KHDRBS3: variants seen among roughly 807,000 people sequenced by gnomAD.
KHDRBS3 encodes KH domain-containing, RNA-binding, signal transduction-associated protein 3.
Under a neutral mutation model 45.6 loss-of-function variants are expected in KHDRBS3, and 23 were observed. The ratio of observed to expected loss-of-function variants is 0.50; its 90% CI spans 0.36 to 0.72. The LOEUF (loss-of-function observed/expected upper bound fraction) is 0.72. Ranked by LOEUF, KHDRBS3 falls within the 30% of genes least tolerant of loss-of-function variation. The probability of loss-of-function intolerance (pLI) is 0.00; values close to 1 mark genes in which losing one functional copy is unlikely to be tolerated. For missense variants in KHDRBS3, 352 were observed against 424.8 expected (o/e 0.83, Z 1.51); for synonymous variants, 162 against 156.5 (o/e 1.04, Z -0.26).
intron 6 of KHDRBS3, among the ~76,000 whole-genome samples, chr8:135,590,242 G>T (rs959293333): frequency 1.3e-5 from 2 of 152,132 alleles, no homozygotes; most frequent in African/African-American, 4.8e-5. Flanking sequence ...ACATAGAAAA[G>T]ATACAGTAAA....
intron 5 of KHDRBS3, among the ~76,000 whole-genome samples, chr8:135,563,207 C>A (rs1827247910): frequency 6.6e-6 from 1 of 152,196 alleles, no homozygotes; most frequent in Admixed American, 6.5e-5. Flanking sequence ...ACTTGGCACT[C>A]TCCTCCCCTA....
At chr8:135,474,092 G>A (rs1822149986) in intron 1 of KHDRBS3, among the ~76,000 whole-genome samples, 1 of 152,074 alleles carries the variant, frequency 6.6e-6, no homozygotes, top group African/African-American at 2.4e-5. Context: ...CAATCTCATT[G>A]TTCATTTAAT....
intron 7 of KHDRBS3, among the ~76,000 whole-genome samples, chr8:135,612,400 G>C (rs145373025): frequency 8.6e-5 from 13 of 151,754 alleles, no homozygotes; most frequent in South Asian, 6.2e-4. Context: ...TATTACAGTC[G>C]TAGGCTTAGA....
downstream of KHDRBS3, among the ~76,000 whole-genome samples, chr8:135,651,515 G>T (rs1237799649): frequency 6.6e-6 from 1 of 152,076 alleles, no homozygotes; most frequent in Non-Finnish European, 1.5e-5. Context: ...TAGGACAAGG[G>T]ACATGTAATG....
chr8:135,555,661 A>G (rs1204187711), intron 4 of KHDRBS3, among the ~76,000 whole-genome samples: 1 of 152,194 alleles, frequency 6.6e-6, no homozygotes, highest in Non-Finnish European at 1.5e-5. Context: ...AGAAGAGACT[A>G]CTTAAAAAAG....
chr8:135,521,737 TTTTTC>T (rs1435138485), intron 2 of KHDRBS3, among the ~76,000 whole-genome samples: 11 of 152,206 alleles, frequency 7.2e-5, no homozygotes, highest in African/African-American at 2.4e-4. Flanking sequence ...TTAAATGCTA[TTTTTC>T]TTTTGTCTTC....
At chr8:135,647,915 G>C (rs1339175321), downstream of KHDRBS3, 8 of 152,118 alleles carry the variant, frequency 5.3e-5, no homozygotes, top group Non-Finnish European at 8.8e-5. Flanking sequence ...TTCTGAAAAA[G>C]ATGTGATCAG....
chr8:135,502,017 T>C (rs1554618315), intron 1 of KHDRBS3, among the ~76,000 whole-genome samples: 2 of 152,212 alleles, frequency 1.3e-5, no homozygotes, highest in Non-Finnish European at 2.9e-5. Flanking sequence ...AAAACCACTT[T>C]AAAAAATACA....
rs34118572 is a variant in KHDRBS3 at position 135,647,245 on chromosome 8, GAA to G, written c.*175_*176del. The G allele has an allele frequency of 3.0e-3, 573 of 193,528 alleles. No homozygotes were observed. The highest frequency in any genetic ancestry group is 7.1e-3 in the Middle Eastern group (4 of 562). 12.0% of individuals were successfully genotyped at this position (193,528 alleles called of 1,614,324 possible). ...CTTTGTTGAAACATCAACCTGGGCA[GAA>G]AAAAAAAAAAAAAGACATGTAAAAT... On this transcript the variant is annotated 3_prime_UTR_variant, in exon 9 of 9. Transcript: ENST00000355849.
intron 1 of KHDRBS3, among the ~76,000 whole-genome samples, chr8:135,473,542 A>G (rs1021357018): frequency 3.3e-5 from 5 of 152,084 alleles, no homozygotes; most frequent in Admixed American, 6.5e-5. Flanking sequence ...ACTTTTTATT[A>G]TTAACAAACT....
chr8:135,607,090 C>T, intron 7 of KHDRBS3, 53 bp downstream of exon 7: 1 of 1,377,028 alleles, frequency 7.3e-7, no homozygotes, highest in Non-Finnish European at 1.0e-6. Context: ...TCCCCTTCCA[C>T]ATTCATATAT....
At chr8:135,596,851 A>G (rs1261205736) in intron 6 of KHDRBS3, among the ~76,000 whole-genome samples, 1 of 152,156 alleles carries the variant, frequency 6.6e-6, no homozygotes, top group East Asian at 1.9e-4. Context: ...CGTGAAGAGA[A>G]GAGACTGGAC....
At chr8:135,521,085 T>C (rs1824879626) in intron 1 of KHDRBS3, 152 bp from the exon 2 acceptor site, 2 of 622,534 alleles carry the variant, frequency 3.2e-6, no homozygotes, top group South Asian at 4.2e-5. Flanking sequence ...GAATCATTGA[T>C]GAAACCGGAA....
intron 7 of KHDRBS3, among the ~76,000 whole-genome samples, chr8:135,644,387 G>A (rs1831195415): frequency 1.3e-5 from 2 of 152,164 alleles, no homozygotes; most frequent in African/African-American, 4.8e-5. Flanking sequence ...GGACTGCAGA[G>A]ATCCATTTCC....
chr8:135,577,677 T>C (rs1261968667), intron 5 of KHDRBS3, among the ~76,000 whole-genome samples: 1 of 152,230 alleles, frequency 6.6e-6, no homozygotes, highest in African/African-American at 2.4e-5. Context: ...GCATCTTGGT[T>C]GCTATGAATA....
chr8:135,597,196 G>A (rs1829008311), intron 6 of KHDRBS3, among the ~76,000 whole-genome samples: 2 of 152,230 alleles, frequency 1.3e-5, no homozygotes, highest in Admixed American at 1.3e-4. Context: ...TCCCCACAGG[G>A]CAGAAGGGCA....
intron 5 of KHDRBS3, among the ~76,000 whole-genome samples, chr8:135,572,087 T>A (rs139440043): frequency 6.6e-6 from 1 of 152,186 alleles, no homozygotes; most frequent in Non-Finnish European, 1.5e-5. Context: ...AAATGGATCA[T>A]TGTTTCCAGA....
chr8:135,566,723 G>T (rs769316951), intron 5 of KHDRBS3, among the ~76,000 whole-genome samples: 1 of 152,098 alleles, frequency 6.6e-6, no homozygotes, highest in Non-Finnish European at 1.5e-5. Context: ...AAAATCAGCC[G>T]AGTGTGGTGG....
chr8:135,502,231 C>T lies in KHDRBS3; in HGVS notation c.89-19006C>T, dbSNP rs1355844930. Reference sequence around the variant, plus strand: ...ACTTCCCAGTCCTGTCATAAAGGAACTTAGCATAGCGTTAAAAGTCCTTCC... The same window carrying T: ...ACTTCCCAGTCCTGTCATAAAGGAATTTAGCATAGCGTTAAAAGTCCTTCC... On this transcript the variant is annotated intron_variant, in intron 1 of 8. Transcript: ENST00000355849. Among the ~76,000 whole-genome samples, 20 of 152,282 alleles carry T rather than the reference C, an allele frequency of 1.3e-4. No individual in the cohort carries two copies. The South Asian group carries it at 4.1e-3, about 32-fold the overall frequency.
Sources: allele counts gnomAD v4.1 joint callset (sites outside exome capture counted in the v4.1 genomes callset), GRCh38; gene constraint gnomAD v4.1.1; transcripts MANE v1.5; gene names NCBI Gene and HGNC (gene_info 2026-07-23, HGNC 2026-07-21).